The following PRELID2 variants were observed in gnomAD, a reference collection of about 807,000 sequenced individuals.
PRELID2 encodes PRELI domain-containing protein 2.
In PRELID2, 25 loss-of-function variants were observed where a neutral mutation model predicts 28.4. The observed-to-expected ratio is 0.88, with a 90% CI of 0.64 to 1.23. The LOEUF is 1.23. PRELID2 is among the 50% of genes most tolerant of loss of function. The pLI, the probability that PRELID2 is intolerant of heterozygous loss-of-function variation, is 0.00. For missense variants in PRELID2, 201 were observed against 214.4 expected (o/e 0.94, Z 0.39); for synonymous variants, 76 against 71.6 (o/e 1.06, Z -0.31).
chr5:145,446,007 T>C, the PRELID2 span, among the ~76,000 whole-genome samples: 13 of 152,048 alleles, frequency 8.5e-5, no homozygotes, highest in African/African-American at 3.1e-4. Context: ...GGGAGAAATT[T>C]GTTAAACGAT....
chr5:145,242,454 A>G, the PRELID2 span, among the ~76,000 whole-genome samples: 1 of 152,042 alleles, frequency 6.6e-6, no homozygotes, highest in Non-Finnish European at 1.5e-5. Context: ...CCCATCCCAC[A>G]GGAGGGGATA....
the PRELID2 span, among the ~76,000 whole-genome samples, chr5:145,378,889 T>C: frequency 6.6e-6 from 1 of 152,222 alleles, no homozygotes; most frequent in Non-Finnish European, 1.5e-5. Flanking sequence ...CAGGGTTCCT[T>C]TGCTGATTCT....
At position 145,786,419 on chromosome 5, in the gene PRELID2, C is replaced by T. The variant is rs138453525; in HGVS notation, c.474+10023G>A. 4.8e-3 allele frequency among the ~76,000 whole-genome samples: 737 copies of T among 152,306 alleles called. 4 individuals are homozygous for T. Among genetic ancestry groups the T allele is most frequent in the African/African-American group, 0.016 (683 of 41,570 alleles). On this transcript the variant is annotated intron_variant, in intron 5 of 6. Coordinates refer to ENST00000683046, the MANE Select transcript of PRELID2 (RefSeq NM_205846.3). ...CCTTGGTAGCACTCTCTTGCTCTCA[C>T]GCTCACTGCCACATTCTGAGATCAT...
chr5:145,696,359 C>G (rs1425915678), intron 1 of PRELID2, among the ~76,000 whole-genome samples: 1 of 152,032 alleles, frequency 6.6e-6, no homozygotes, highest in Non-Finnish European at 1.5e-5. Context: ...ATTATGGTCC[C>G]TTCCAAGCAC....
chr5:145,415,716 T>C, the PRELID2 span, among the ~76,000 whole-genome samples: 1 of 151,786 alleles, frequency 6.6e-6, no homozygotes, highest in African/African-American at 2.4e-5. Flanking sequence ...GTCTTTGCTA[T>C]TGTGAATAGT....
chr5:145,761,975 A>G (rs1482187435), intron 6 of PRELID2, among the ~76,000 whole-genome samples: 1 of 152,232 alleles, frequency 6.6e-6, no homozygotes, highest in Non-Finnish European at 1.5e-5. Context: ...AAAACAGTCA[A>G]GAAAATGGGA....
At chr5:145,477,442 A>G (rs76094274) in intron 1 of PRELID2, among the ~76,000 whole-genome samples, 7,125 of 152,244 alleles carry the variant, frequency 0.047, 240 homozygotes, top group Middle Eastern at 0.078. Flanking sequence ...AGCTCAAGAA[A>G]AATTCCCCAA....
the PRELID2 span, chr5:145,229,293 A>G: frequency 1.3e-6 from 1 of 750,566 alleles, no homozygotes; most frequent in African/African-American, 1.7e-5. Flanking sequence ...GGCCGCAGTG[A>G]CCTGATGGAA....
chr5:145,618,082 C>T (rs568663420), intron 1 of PRELID2, among the ~76,000 whole-genome samples: 2 of 152,142 alleles, frequency 1.3e-5, no homozygotes, highest in South Asian at 4.2e-4. Context: ...TCTCCCTTCA[C>T]TTCTTGTATT....
At chr5:145,400,173 G>A in the PRELID2 span, among the ~76,000 whole-genome samples, 3 of 151,984 alleles carry the variant, frequency 2.0e-5, no homozygotes, top group African/African-American at 4.8e-5. Flanking sequence ...TGAGATATCC[G>A]TACATAGTTG....
At chr5:145,229,002 G>A in the PRELID2 span, 3 of 1,601,628 alleles carry the variant, frequency 1.9e-6, no homozygotes, top group Non-Finnish European at 2.6e-6. Flanking sequence ...CATTGAGGAT[G>A]TCAGCAGGGA....
intron 1 of PRELID2, among the ~76,000 whole-genome samples, chr5:145,720,014 G>T (rs888219496): frequency 6.6e-6 from 1 of 151,554 alleles, no homozygotes; most frequent in African/African-American, 2.4e-5. Context: ...ATATGCAAAT[G>T]AACATGTGAT....
chr5:145,296,544 G>A, the PRELID2 span, among the ~76,000 whole-genome samples: 1 of 152,072 alleles, frequency 6.6e-6, no homozygotes, highest in Non-Finnish European at 1.5e-5. Context: ...TGGCTGCATA[G>A]TATTCCATGG....
the PRELID2 span, among the ~76,000 whole-genome samples, chr5:145,283,561 G>A: frequency 2.0e-5 from 3 of 152,060 alleles, no homozygotes; most frequent in African/African-American, 7.2e-5. Flanking sequence ...CTGAACATCA[G>A]ATATAAATAA....
Position 145,490,263 on chromosome 5 carries a change from T to C in PRELID2, n.71-16948A>G, listed in dbSNP as rs1274676038. On this transcript the variant is annotated intron_variant and non_coding_transcript_variant, in intron 1 of 2. Transcript: ENST00000510259. ...TTTCCTTTTTTGTACTCTTGCATTTTAAGTCCCAGAAGCTCAGTCTATTTA... is the reference window on the plus strand; with the variant it reads ...TTTCCTTTTTTGTACTCTTGCATTTCAAGTCCCAGAAGCTCAGTCTATTTA... Among the ~76,000 whole-genome samples, 3 of 152,344 alleles carry C rather than the reference T, an allele frequency of 2.0e-5. No individual in the cohort carries two copies. In the East Asian group the frequency reaches 5.8e-4, roughly 29 times the overall value.
chr5:145,391,466 C>T, the PRELID2 span, among the ~76,000 whole-genome samples: 4 of 152,188 alleles, frequency 2.6e-5, no homozygotes, highest in South Asian at 2.1e-4. Context: ...GGCCTGGCCA[C>T]ATCCCAAGGC....
the PRELID2 span, among the ~76,000 whole-genome samples, chr5:145,424,957 A>G: frequency 6.6e-6 from 1 of 152,226 alleles, no homozygotes; most frequent in African/African-American, 2.4e-5. Context: ...GCACAGCAAA[A>G]GAAACTATCA....
intron 1 of PRELID2, among the ~76,000 whole-genome samples, chr5:145,511,690 G>A (rs1218594668): frequency 6.6e-6 from 1 of 152,134 alleles, no homozygotes; most frequent in Non-Finnish European, 1.5e-5. Context: ...ATTCAAAATG[G>A]CTGAAACATA....
chr5:145,479,920 G>A (rs1447440725), intron 1 of PRELID2, among the ~76,000 whole-genome samples: 1 of 152,186 alleles, frequency 6.6e-6, no homozygotes, highest in Non-Finnish European at 1.5e-5. Flanking sequence ...ATGTTTCATA[G>A]CTAATGGATA....
Sources: allele counts gnomAD v4.1 joint callset (sites outside exome capture counted in the v4.1 genomes callset), GRCh38; gene constraint gnomAD v4.1.1; transcripts MANE v1.5; gene names NCBI Gene and HGNC (gene_info 2026-07-23, HGNC 2026-07-21).